Variants in NKAIN2 observed in about 807,000 individuals in gnomAD.
NKAIN2 encodes sodium/potassium transporting ATPase interacting 2.
Under a neutral mutation model 32.6 loss-of-function variants are expected in NKAIN2, and 14 were observed. The ratio of observed to expected loss-of-function variants is 0.43; its 90% CI spans 0.28 to 0.67. NKAIN2 has a LOEUF of 0.67. Among genes scored for constraint, NKAIN2 ranks in the 30% least tolerant of loss-of-function variants. NKAIN2 has a pLI of 0.17. For synonymous variants in NKAIN2, 80 were observed against 87.2 expected (o/e 0.92, Z 0.46); for missense variants, 198 against 258.3 (o/e 0.77, Z 1.60).
intron 3 of NKAIN2, among the ~76,000 whole-genome samples, chr6:124,524,858 G>A (rs948860568): frequency 3.3e-5 from 5 of 152,214 alleles, no homozygotes; most frequent in Admixed American, 3.3e-4. Flanking sequence ...ATTACAAGTG[G>A]TCTGTAGGTG....
chr6:124,044,018 G>A (rs993798731), intron 1 of NKAIN2, among the ~76,000 whole-genome samples: 1 of 152,000 alleles, frequency 6.6e-6, no homozygotes, highest in African/African-American at 2.4e-5. Flanking sequence ...ATTGACTTAG[G>A]CGAGTGAGCA....
At chr6:124,583,556 G>T (rs903637296) in intron 3 of NKAIN2, among the ~76,000 whole-genome samples, 2 of 152,110 alleles carry the variant, frequency 1.3e-5, no homozygotes, top group African/African-American at 4.8e-5. Flanking sequence ...AAGCGATCTA[G>T]AGTTTCAATG....
chr6:124,557,356 C>A (rs1256033161), intron 3 of NKAIN2, among the ~76,000 whole-genome samples: 5 of 151,990 alleles, frequency 3.3e-5, no homozygotes, highest in Non-Finnish European at 5.9e-5. Context: ...TAAAAAAAAA[C>A]TCTTTGAGTT....
chr6:124,316,343 A>G (rs1288221079), intron 2 of NKAIN2, among the ~76,000 whole-genome samples: 1 of 152,100 alleles, frequency 6.6e-6, no homozygotes, highest in Non-Finnish European at 1.5e-5. Context: ...TAGCTCTCAT[A>G]ACTACATGTA....
At chr6:124,759,519 C>G (rs1778127218) in intron 4 of NKAIN2, among the ~76,000 whole-genome samples, 1 of 151,178 alleles carries the variant, frequency 6.6e-6, no homozygotes, top group African/African-American at 2.4e-5. Flanking sequence ...TCCTCACTTT[C>G]TTTCGGTTTT....
intron 1 of NKAIN2, among the ~76,000 whole-genome samples, chr6:123,912,828 A>C (rs900574827): frequency 2.0e-5 from 3 of 152,212 alleles, no homozygotes; most frequent in African/African-American, 7.2e-5. Context: ...CCTTTATAGC[A>C]ATATAACTGA....
intron 1 of NKAIN2, among the ~76,000 whole-genome samples, chr6:124,203,438 G>A (rs1423818612): frequency 2.0e-5 from 3 of 151,800 alleles, no homozygotes; most frequent in Non-Finnish European, 4.4e-5. Context: ...GCTTAGTTGT[G>A]TTCTCTAGTG....
intron 1 of NKAIN2, among the ~76,000 whole-genome samples, chr6:123,995,028 T>G (rs1779559840): frequency 6.6e-6 from 1 of 152,170 alleles, no homozygotes; most frequent in Non-Finnish European, 1.5e-5. Flanking sequence ...GTTTTAGCTC[T>G]CTAAAGGAAA....
chr6:124,064,931 T>A (rs2114864847), intron 1 of NKAIN2, among the ~76,000 whole-genome samples: 1 of 152,246 alleles, frequency 6.6e-6, no homozygotes, highest in African/African-American at 2.4e-5. Flanking sequence ...TAGTTGTCTA[T>A]CTCTGGGCTT....
chr6:123,988,698 CTATT>C (rs1779271424), intron 1 of NKAIN2, among the ~76,000 whole-genome samples: 1 of 152,126 alleles, frequency 6.6e-6, no homozygotes, highest in African/African-American at 2.4e-5. Context: ...GGAAATCAAT[CTATT>C]TGTTTTTCAA....
chr6:123,853,964 G>A (rs1052527331), intron 1 of NKAIN2, among the ~76,000 whole-genome samples: 1 of 151,834 alleles, frequency 6.6e-6, no homozygotes, highest in South Asian at 2.1e-4. Context: ...GTTGAGACGG[G>A]GTTTCACCAT....
Position 124,251,020 on chromosome 6 carries a change from C to G in NKAIN2, c.55-31985C>G, listed in dbSNP as rs182307540. ...CACTAAAAGAATAAACACAGGTAAA[C>G]TTTCTAAACAAATAAAAATGAAGAA... On this transcript the variant is annotated intron_variant, in intron 1 of 6. Coordinates refer to ENST00000368417, the MANE Select transcript of NKAIN2 (RefSeq NM_001040214.3). Among the ~76,000 whole-genome samples the G allele has an allele frequency of 3.2e-4, 48 of 152,042 alleles. No homozygotes were observed. In the Middle Eastern group the frequency reaches 0.01, roughly 33 times the overall value.
Position 124,355,336 on chromosome 6 carries a change from G to A in NKAIN2, c.262G>A (p.Asp88Asn), listed in dbSNP as rs201773097. The change falls in exon 3 of 7, where the codon GAC becomes AAC. Residue 88 changes from aspartate (D) to asparagine (N), a missense_variant. Transcript: ENST00000368417. ...TATCTGCTTCTATTTGGAGGCTGGG[G>A]ACCTCTCAAAGGTAATTTACATCTA... is the stretch of plus-strand genomic sequence containing the variant. ...FVICFYLEAGDLSKETDLILT... is the reference protein window; with the variant it reads ...FVICFYLEAGNLSKETDLILT... 84 of 1,602,752 alleles carry A rather than the reference G, an allele frequency of 5.2e-5. No homozygotes were observed. The highest frequency in any genetic ancestry group is 6.5e-5 in the Non-Finnish European group (76 of 1,169,768).
chr6:124,315,305 G>A (rs1323598468), intron 2 of NKAIN2, among the ~76,000 whole-genome samples: 2 of 151,912 alleles, frequency 1.3e-5, no homozygotes, highest in African/African-American at 2.4e-5. Context: ...AGAGATAAAG[G>A]TACCGATTTT....
intron 1 of NKAIN2, among the ~76,000 whole-genome samples, chr6:124,072,146 T>TA (rs1042207471): frequency 6.6e-6 from 1 of 152,064 alleles, no homozygotes; most frequent in Non-Finnish European, 1.5e-5. Context: ...ATGCAGCCAT[T>TA]AAAAAATAAT....
At chr6:123,929,104 G>T (rs1157587566) in intron 1 of NKAIN2, among the ~76,000 whole-genome samples, 5 of 152,136 alleles carry the variant, frequency 3.3e-5, no homozygotes. Flanking sequence ...TAACCAGGAA[G>T]GATAATGAAG....
chr6:124,353,366 T>C (rs2115136633), intron 2 of NKAIN2, among the ~76,000 whole-genome samples: 1 of 152,190 alleles, frequency 6.6e-6, no homozygotes, highest in Non-Finnish European at 1.5e-5. Flanking sequence ...TGGTTCGGAA[T>C]CATGAGGGAG....
chr6:124,508,495 C>G (rs901536531), intron 3 of NKAIN2, among the ~76,000 whole-genome samples: 39 of 74,980 alleles, frequency 5.2e-4, no homozygotes, highest in South Asian at 2.9e-3. Flanking sequence ...CAGGCGCCAC[C>G]ATGCCCGGCT....
At chr6:124,304,939 A>G (rs1246799075) in intron 2 of NKAIN2, among the ~76,000 whole-genome samples, 1 of 152,098 alleles carries the variant, frequency 6.6e-6, no homozygotes, top group Non-Finnish European at 1.5e-5. Context: ...AATTGCCTTC[A>G]AACTAAGATA....
Sources: allele counts gnomAD v4.1 joint callset (sites outside exome capture counted in the v4.1 genomes callset), GRCh38; gene constraint gnomAD v4.1.1; transcripts MANE v1.5; gene names NCBI Gene and HGNC (gene_info 2026-07-23, HGNC 2026-07-21).